LRRC27: variants seen among roughly 807,000 people sequenced by gnomAD.
LRRC27 encodes leucine rich repeat containing 27.
Under a neutral mutation model 55.0 loss-of-function variants are expected in LRRC27, and 57 were observed. That is an observed-to-expected ratio of 1.04 (90% CI 0.84 to 1.29). The LOEUF is 1.29. Among genes scored for constraint, LRRC27 ranks in the 50% most tolerant of loss-of-function variants. The pLI is 0.00. For missense variants in LRRC27, 721 were observed against 651.5 expected (o/e 1.11, Z -1.16); for synonymous variants, 278 against 251.9 (o/e 1.10, Z -0.98).
At chr10:132,336,851 A>G (rs1370088354) in intron 2 of LRRC27, 1 of 740,086 alleles carries the variant, frequency 1.4e-6, no homozygotes, top group African/African-American at 1.8e-5. Flanking sequence ...AACTAGCAGC[A>G]TTAATGACAG....
intron 5 of LRRC27, among the ~76,000 whole-genome samples, chr10:132,346,010 G>T (rs573461184): frequency 6.6e-6 from 1 of 152,330 alleles, no homozygotes; most frequent in Admixed American, 6.5e-5. Context: ...GCGATGGGAC[G>T]CTCCTGGTTT....
intron 8 of LRRC27, 109 bp downstream of exon 8, chr10:132,355,995 T>TG (rs2068293642): frequency 1.3e-6 from 1 of 748,868 alleles, no homozygotes; most frequent in African/African-American, 1.8e-5. Context: ...GGGGTGTGGG[T>TG]GGGTGCTCAC....
chr10:132,364,773 T>C (rs1227577207), intron 9 of LRRC27, among the ~76,000 whole-genome samples: 18 of 119,254 alleles, frequency 1.5e-4, no homozygotes, highest in Non-Finnish European at 2.8e-4. Context: ...CATGCTTACA[T>C]CTACCTCCAC....
rs2069237876 is a variant in LRRC27, at chr10:132,372,290, G to C, written c.1417-2776G>C. On this transcript the variant is annotated intron_variant, in intron 10 of 10. Coordinates refer to ENST00000368614, the MANE Select transcript of LRRC27 (RefSeq NM_030626.3). The surrounding 1 kb of genome is among the most constrained non-coding windows in gnomAD (Gnocchi z 4.0). ...CAGAAGGATGGGAAGTGGGGGTCGG[G>C]GTGCGGTGACTCACGCCTGCAATCC... Among the ~76,000 whole-genome samples the C allele has an allele frequency of 1.3e-5, 2 of 151,558 alleles. No individual in the cohort carries two copies. Among genetic ancestry groups the C allele is most frequent in the Admixed American group, 1.3e-4 (2 of 15,220 alleles).
At chr10:132,334,953 G>A (rs1400030173) in intron 2 of LRRC27, among the ~76,000 whole-genome samples, 1 of 152,214 alleles carries the variant, frequency 6.6e-6, no homozygotes, top group Non-Finnish European at 1.5e-5. Flanking sequence ...GGTAATCAGA[G>A]TGGTAGACTT....
chr10:132,335,313 A>G (rs1048021039), intron 2 of LRRC27: 1 of 151,810 alleles, frequency 6.6e-6, no homozygotes, highest in African/African-American at 2.4e-5. Flanking sequence ...GACTTCGCCT[A>G]TTGGTTGTTG....
chr10:132,348,195 CGAG>C lies in LRRC27; in HGVS notation c.772_774del (p.Glu258del), dbSNP rs1300755571. On this transcript the variant is annotated inframe_deletion, in exon 6 of 11. Coordinates refer to ENST00000368614, the MANE Select transcript of LRRC27 (RefSeq NM_030626.3). The surrounding 1 kb of genome is among the most constrained non-coding windows in gnomAD (Gnocchi z 4.2). ...CGGACTCCTCAGAGAACTGGCCCAG[CGAG>C]GAGGAGATCAGGCGCTTTTGGAAGC... 65 of 1,613,886 alleles carry C rather than the reference CGAG, an allele frequency of 4.0e-5. No individual in the cohort carries two copies. The highest frequency in any genetic ancestry group is 5.0e-5 in the Non-Finnish European group (59 of 1,180,048).
intron 7 of LRRC27, among the ~76,000 whole-genome samples, chr10:132,355,509 G>A (rs1590680358): frequency 1.3e-5 from 2 of 152,334 alleles, no homozygotes; most frequent in East Asian, 3.9e-4. Flanking sequence ...GGGTCCTGAT[G>A]CCTTTTCCTC....
At chr10:132,355,477 A>C (rs1236302824) in intron 7 of LRRC27, among the ~76,000 whole-genome samples, 3 of 152,200 alleles carry the variant, frequency 2.0e-5, no homozygotes, top group African/African-American at 7.2e-5. Context: ...TGGCAGCCCC[A>C]GCTGGTGCCC....
chr10:132,343,299 G>A (rs1185503516), intron 4 of LRRC27, among the ~76,000 whole-genome samples: 1 of 151,972 alleles, frequency 6.6e-6, no homozygotes, highest in Non-Finnish European at 1.5e-5. Context: ...TGGACAACAG[G>A]GCGAGACCCT....
At chr10:132,349,100 G>T in intron 6 of LRRC27, 1 of 1,272,430 alleles carries the variant, frequency 7.9e-7, no homozygotes, top group Non-Finnish European at 1.1e-6. Context: ...CATGTGGTGT[G>T]TGTGCCTGTG....
intron 5 of LRRC27, among the ~76,000 whole-genome samples, chr10:132,345,176 A>G (rs1314578232): frequency 1.3e-5 from 2 of 152,220 alleles, no homozygotes. Context: ...TTGAGTACGC[A>G]TTGTAGTTAC....
intron 2 of LRRC27, chr10:132,336,990 T>C: frequency 1.1e-6 from 1 of 895,222 alleles, no homozygotes; most frequent in Non-Finnish European, 1.6e-6. Flanking sequence ...TGTCACGACT[T>C]TACAACGCCA....
At chr10:132,359,746 T>G (rs955930501) in intron 8 of LRRC27, among the ~76,000 whole-genome samples, 8 of 152,266 alleles carry the variant, frequency 5.3e-5, no homozygotes, top group African/African-American at 1.7e-4. Flanking sequence ...GTCTGTCACC[T>G]GCTTTGTAAA....
intron 5 of LRRC27, among the ~76,000 whole-genome samples, chr10:132,347,594 G>A (rs954057305): frequency 6.7e-6 from 1 of 149,770 alleles, no homozygotes; most frequent in South Asian, 2.1e-4. Context: ...TGCGTGGGAG[G>A]GTCAGGTGCT....
chr10:132,352,815 G>T, intron 7 of LRRC27: 2 of 1,568,612 alleles, frequency 1.3e-6, no homozygotes, highest in Non-Finnish European at 1.7e-6. Context: ...GTCCGTCTTT[G>T]CCCTGGCTTC....
intron 1 of LRRC27, 83 bp from the exon 2 acceptor site, chr10:132,333,394 T>G: frequency 1.8e-6 from 1 of 542,708 alleles, no homozygotes; most frequent in Non-Finnish European, 3.0e-6. Context: ...GCAAGTTACA[T>G]TACAGTAGAT....
At chr10:132,338,197 T>G (rs2067222038) in intron 3 of LRRC27, among the ~76,000 whole-genome samples, 1 of 152,058 alleles carries the variant, frequency 6.6e-6, no homozygotes, top group South Asian at 2.1e-4. Context: ...GTGCCTGTAA[T>G]CCCAGCTCCT....
intron 10 of LRRC27, among the ~76,000 whole-genome samples, chr10:132,369,142 G>C (rs531741865): frequency 2.0e-5 from 3 of 152,314 alleles, no homozygotes; most frequent in Admixed American, 2.0e-4. Context: ...TGAGGACGTG[G>C]AGCAACAGGA....
Sources: allele counts gnomAD v4.1 joint callset (sites outside exome capture counted in the v4.1 genomes callset), GRCh38; gene constraint gnomAD v4.1.1; non-coding constraint Gnocchi (gnomAD v3.1); transcripts MANE v1.5; gene names NCBI Gene and HGNC (gene_info 2026-07-23, HGNC 2026-07-21).